The following EYA1 variants were observed in gnomAD, a reference collection of about 807,000 sequenced individuals.
EYA1 encodes EYA transcriptional coactivator and phosphatase 1.
A neutral mutation model predicts 82.0 loss-of-function variants in EYA1; 16 were observed. The observed-to-expected ratio is 0.20, with a 90% CI of 0.13 to 0.30. The LOEUF is 0.30. Among genes scored for constraint, EYA1 ranks in the 10% least tolerant of loss-of-function variants. The probability of loss-of-function intolerance (pLI) is 1.00; values close to 1 mark genes in which losing one functional copy is unlikely to be tolerated. For missense variants in EYA1, 633 were observed against 730.7 expected (o/e 0.87, Z 1.54); for synonymous variants, 261 against 264.4 (o/e 0.99, Z 0.12).
chr8:71,331,125 A>C (rs1439887303), intron 4 of EYA1, among the ~76,000 whole-genome samples: 2 of 151,678 alleles, frequency 1.3e-5, no homozygotes, highest in East Asian at 3.9e-4. Flanking sequence ...GCTACTCGAG[A>C]GGCTCAAGTA....
intron 2 of EYA1, among the ~76,000 whole-genome samples, chr8:71,513,585 T>C (rs1204551136): frequency 6.6e-6 from 1 of 152,132 alleles, no homozygotes; most frequent in African/African-American, 2.4e-5. Flanking sequence ...CCTCAAGCAT[T>C]TGTCCTTTGA....
intron 2 of EYA1, among the ~76,000 whole-genome samples, chr8:71,483,817 C>T (rs1201685478): frequency 2.0e-5 from 3 of 152,068 alleles, no homozygotes; most frequent in African/African-American, 7.2e-5. Context: ...AGTATGGAAA[C>T]TTTTCCTTCC....
intron 4 of EYA1, among the ~76,000 whole-genome samples, chr8:71,329,873 A>T (rs1239379252): frequency 2.0e-5 from 3 of 152,188 alleles, no homozygotes; most frequent in African/African-American, 7.2e-5. Context: ...TATTGGCAGG[A>T]AAGAGTGGGG....
intron 3 of EYA1, among the ~76,000 whole-genome samples, chr8:71,341,611 C>T (rs1380880869): frequency 7.2e-5 from 11 of 152,186 alleles, no homozygotes; most frequent in African/African-American, 2.7e-4. Flanking sequence ...TATCCATGAA[C>T]TCAATGTGTT....
At chr8:71,520,047 T>C (rs992422322) in intron 2 of EYA1, among the ~76,000 whole-genome samples, 44 of 152,312 alleles carry the variant, frequency 2.9e-4, no homozygotes, top group African/African-American at 1.0e-3. Flanking sequence ...ATAAAGGGCA[T>C]GAAAGCAGAA....
At chr8:71,404,197 AC>A (rs1312173601) in intron 2 of EYA1, 4 of 152,248 alleles carry the variant, frequency 2.6e-5, no homozygotes, top group Non-Finnish European at 5.9e-5. Flanking sequence ...ATTTTAAAAA[AC>A]AATACAATTT....
At chr8:71,299,580 GAAAATCATGTT>G in intron 8 of EYA1, 47 bp downstream of exon 8, 1 of 981,530 alleles carries the variant, frequency 1.0e-6, no homozygotes, top group Non-Finnish European at 1.6e-6. Context: ...CTTTACATAA[GAAAATCATGTT>G]GCATTTAAAG....
chr8:71,482,643 C>G (rs1218775252), intron 2 of EYA1, among the ~76,000 whole-genome samples: 1 of 152,048 alleles, frequency 6.6e-6, no homozygotes, highest in Non-Finnish European at 1.5e-5. Context: ...ATCAAATGTT[C>G]AGCAACAGTA....
chr8:71,242,577 T>C lies in EYA1; in HGVS notation c.1140+2026A>G, dbSNP rs771567567. ...ATACATCTCCTATACCCTAAAAACC[T>C]AGAGCTTTTAATATATTTGAGTAGT... On this transcript the variant is annotated intron_variant, in intron 12 of 17. Transcript: ENST00000340726. 1.1e-4 allele frequency among the ~76,000 whole-genome samples: 16 copies of C among 152,290 alleles called. 1 individual carries two copies. The highest frequency in any genetic ancestry group is 5.9e-5 in the Non-Finnish European group (4 of 68,020).
intron 4 of EYA1, among the ~76,000 whole-genome samples, chr8:71,330,724 T>C (rs16937591): frequency 0.017 from 2,624 of 152,298 alleles, 71 homozygotes; most frequent in African/African-American, 0.061. Context: ...TTGATGCTTG[T>C]AATTTTTTAA....
chr8:71,368,426 C>T (rs1305287313), intron 2 of EYA1, among the ~76,000 whole-genome samples: 1 of 151,910 alleles, frequency 6.6e-6, no homozygotes, highest in Non-Finnish European at 1.5e-5. Context: ...AGGATCTTCC[C>T]TGCTTGTAGA....
intron 7 of EYA1, among the ~76,000 whole-genome samples, chr8:71,309,591 CT>C (rs1563440242): frequency 6.6e-6 from 1 of 152,044 alleles, no homozygotes; most frequent in Non-Finnish European, 1.5e-5. Context: ...GTAAAAATAC[CT>C]TTTCTATAGA....
intron 1 of EYA1, 105 bp from the exon 2 acceptor site, chr8:71,356,616 C>A: frequency 7.1e-7 from 1 of 1,415,462 alleles, no homozygotes; most frequent in Non-Finnish European, 9.2e-7. Context: ...TCTCTTTTAA[C>A]CAAAAGAGAA....
chr8:71,408,361 C>T (rs1376226016), intron 2 of EYA1, among the ~76,000 whole-genome samples: 1 of 149,038 alleles, frequency 6.7e-6, no homozygotes, highest in Non-Finnish European at 1.5e-5. Flanking sequence ...GGATCAAATT[C>T]ACACATAACA....
At chr8:71,213,220 C>G (rs1439643934) in intron 16 of EYA1, among the ~76,000 whole-genome samples, 1 of 151,764 alleles carries the variant, frequency 6.6e-6, no homozygotes, top group Non-Finnish European at 1.5e-5. Flanking sequence ...ATTAAAAAAA[C>G]AATGCTTACT....
intron 2 of EYA1, among the ~76,000 whole-genome samples, chr8:71,392,077 A>C (rs1203239083): frequency 1.3e-5 from 2 of 152,134 alleles, no homozygotes; most frequent in Non-Finnish European, 2.9e-5. Flanking sequence ...AAAATAATAG[A>C]GATTTCCCTC....
At chr8:71,243,889 C>T (rs1812773029) in intron 12 of EYA1, among the ~76,000 whole-genome samples, 3 of 152,230 alleles carry the variant, frequency 2.0e-5, no homozygotes, top group Admixed American at 2.0e-4. Context: ...GGCAGCCCTA[C>T]CACAAGCTTG....
intron 2 of EYA1, among the ~76,000 whole-genome samples, chr8:71,377,971 C>T (rs1419891812): frequency 3.3e-5 from 5 of 152,074 alleles, no homozygotes; most frequent in African/African-American, 9.7e-5. Context: ...CCATCTTGGT[C>T]TCTTTTTAGG....
intron 11 of EYA1, among the ~76,000 whole-genome samples, chr8:71,259,359 T>C (rs2128929013): frequency 6.6e-6 from 1 of 152,276 alleles, no homozygotes; most frequent in South Asian, 2.1e-4. Context: ...TCCTAACTTC[T>C]CTTGCTGTCA....
Sources: gnomAD v4.1 joint callset for allele counts (sites outside exome capture counted in the v4.1 genomes callset) on GRCh38, gnomAD v4.1.1 for gene constraint, MANE v1.5 for transcripts, NCBI Gene and HGNC (gene_info 2026-07-23, HGNC 2026-07-21) for gene names.